Variants in VTI1A observed in about 807,000 individuals in gnomAD.
VTI1A encodes vesicle transport through interaction with t-SNAREs homolog 1A.
In VTI1A, 22 loss-of-function variants were observed where a neutral mutation model predicts 34.9. That is an observed-to-expected ratio of 0.63 (90% confidence interval 0.45 to 0.90). VTI1A has a LOEUF of 0.90. VTI1A is among the 40% of genes least tolerant of loss of function. VTI1A has a pLI of 0.00. For missense variants in VTI1A, 268 were observed against 275.6 expected (o/e 0.97, Z 0.20); for synonymous variants, 87 against 97.3 (o/e 0.89, Z 0.62).
chr10:112,571,154 T>C (rs1852101772), intron 5 of VTI1A, among the ~76,000 whole-genome samples: 1 of 152,220 alleles, frequency 6.6e-6, no homozygotes, highest in Non-Finnish European at 1.5e-5. Context: ...AAATGACTTA[T>C]TCAAAATGCC....
chr10:112,836,227 TG>T, the VTI1A span, among the ~76,000 whole-genome samples: 22 of 152,316 alleles, frequency 1.4e-4, no homozygotes, highest in South Asian at 2.5e-3. Context: ...TGGGAAGTGC[TG>T]GGGGGTGCAA....
chr10:112,833,273 A>T, the VTI1A span, among the ~76,000 whole-genome samples: 1 of 151,876 alleles, frequency 6.6e-6, no homozygotes. Flanking sequence ...CTAGCATCCC[A>T]TGTCCCACAT....
chr10:112,608,039 C>G (rs1161987300), intron 5 of VTI1A, among the ~76,000 whole-genome samples: 1 of 152,182 alleles, frequency 6.6e-6, no homozygotes, highest in African/African-American at 2.4e-5. Context: ...AACCCTGATA[C>G]AACGTGGGAG....
intron 7 of VTI1A, among the ~76,000 whole-genome samples, chr10:112,713,319 G>A (rs573746287): frequency 2.0e-5 from 3 of 152,064 alleles, no homozygotes; most frequent in South Asian, 2.1e-4. Context: ...GAAGGACCTC[G>A]CATATGATTT....
chr10:112,758,294 C>T (rs1309992335), intron 7 of VTI1A, among the ~76,000 whole-genome samples: 3 of 152,124 alleles, frequency 2.0e-5, no homozygotes, highest in South Asian at 2.1e-4. Flanking sequence ...CTCATCATCT[C>T]TAAGGAGTAT....
chr10:112,599,823 C>G (rs552622053), intron 5 of VTI1A, among the ~76,000 whole-genome samples: 21 of 152,306 alleles, frequency 1.4e-4, no homozygotes, highest in African/African-American at 4.8e-4. Flanking sequence ...CAAGGATGAT[C>G]TTGCCTCGGC....
At chr10:112,633,147 TGAGAGGAGAGGTCTGAAG>T (rs994685690) in intron 5 of VTI1A, among the ~76,000 whole-genome samples, 5 of 152,066 alleles carry the variant, frequency 3.3e-5, no homozygotes, top group Non-Finnish European at 7.4e-5. Flanking sequence ...TGGTGAGTCC[TGAGAGGAGAGGTCTGAAG>T]GAGAGGAGAG....
intron 3 of VTI1A, among the ~76,000 whole-genome samples, chr10:112,491,248 T>C (rs927220011): frequency 6.6e-6 from 1 of 152,206 alleles, no homozygotes; most frequent in Non-Finnish European, 1.5e-5. Context: ...GAGGAGATGA[T>C]AGAGCATTTT....
chr10:112,810,854 TG>T (rs771374867), intron 7 of VTI1A, among the ~76,000 whole-genome samples: 1 of 152,158 alleles, frequency 6.6e-6, no homozygotes, highest in Non-Finnish European at 1.5e-5. Flanking sequence ...GAGCATTGGC[TG>T]GAAGAAGCTC....
chr10:112,587,878 T>TA (rs1844220061), intron 5 of VTI1A, among the ~76,000 whole-genome samples: 1 of 152,104 alleles, frequency 6.6e-6, no homozygotes, highest in African/African-American at 2.4e-5. Context: ...GCTGCCTTCT[T>TA]ACATTCTTAA....
the VTI1A span, among the ~76,000 whole-genome samples, chr10:112,834,812 C>G: frequency 6.6e-6 from 1 of 152,178 alleles, no homozygotes; most frequent in African/African-American, 2.4e-5. Flanking sequence ...AAGGGGCCTG[C>G]ATTGTTGGAC....
In VTI1A at chr10:112,760,403, G is replaced by C. The variant is rs137914724; in HGVS notation, c.561-54887G>C. Reference sequence around the variant, plus strand: ...TCTCTCTCTCTCTCAAAATGTCTTAGTATCTTTCAGACCTTGGGTAACTGA... The same window carrying C: ...TCTCTCTCTCTCTCAAAATGTCTTACTATCTTTCAGACCTTGGGTAACTGA... On this transcript the variant is annotated intron_variant, in intron 7 of 7. Transcript: ENST00000393077. Among the ~76,000 whole-genome samples, 1,242 of 152,178 alleles carry C rather than the reference G, an allele frequency of 8.2e-3. 11 individuals carry two copies. Among genetic ancestry groups the C allele is most frequent in the Admixed American group, 0.014 (207 of 15,286 alleles).
intron 5 of VTI1A, among the ~76,000 whole-genome samples, chr10:112,632,583 A>C (rs915605131): frequency 7.9e-5 from 12 of 152,238 alleles, no homozygotes; most frequent in African/African-American, 1.4e-4. Flanking sequence ...CACTGCGGGC[A>C]GGGATAGACG....
At chr10:112,532,936 A>C (rs1850498085) in intron 4 of VTI1A, among the ~76,000 whole-genome samples, 1 of 152,148 alleles carries the variant, frequency 6.6e-6, no homozygotes, top group South Asian at 2.1e-4. Context: ...AATAAGTATT[A>C]TCTCTCCTGG....
At chr10:112,850,896 T>G in the VTI1A span, among the ~76,000 whole-genome samples, 1 of 152,164 alleles carries the variant, frequency 6.6e-6, no homozygotes, top group Non-Finnish European at 1.5e-5. Flanking sequence ...ATCTGCCCCT[T>G]TCCCCAACTT....
intron 5 of VTI1A, among the ~76,000 whole-genome samples, chr10:112,659,782 T>C (rs921924818): frequency 2.6e-5 from 4 of 152,300 alleles, no homozygotes; most frequent in Non-Finnish European, 2.9e-5. Context: ...TTTAAGAATA[T>C]GTTAAGTTTA....
intron 7 of VTI1A, among the ~76,000 whole-genome samples, chr10:112,765,232 G>T (rs572447305): frequency 1.4e-5 from 2 of 142,674 alleles, no homozygotes; most frequent in South Asian, 4.5e-4. Flanking sequence ...TTTTTGAGAC[G>T]GAGTCTCGCT....
At chr10:112,660,439 C>G (rs1466874974) in intron 5 of VTI1A, among the ~76,000 whole-genome samples, 1 of 152,184 alleles carries the variant, frequency 6.6e-6, no homozygotes, top group Non-Finnish European at 1.5e-5. Flanking sequence ...TAAAGATCAT[C>G]TAGTCTAAGA....
Position 112,455,735 on chromosome 10 carries a change from T to G in VTI1A, c.95-4789T>G, listed in dbSNP as rs79627615. Among the ~76,000 whole-genome samples the G allele has an allele frequency of 3.2e-3, 486 of 149,752 alleles. 3 individuals are homozygous for G. The highest frequency in any genetic ancestry group is 0.011 in the African/African-American group (445 of 40,590). ...TCATCACTTTTGAGATTTGCCTTCT[T>G]AAAAACATGAGGAACACTATAAGGA... On this transcript the variant is annotated intron_variant, in intron 1 of 7. Transcript: ENST00000393077.
Sources: gnomAD v4.1 joint callset for allele counts (sites outside exome capture counted in the v4.1 genomes callset) on GRCh38, gnomAD v4.1.1 for gene constraint, MANE v1.5 for transcripts, NCBI Gene and HGNC (gene_info 2026-07-23, HGNC 2026-07-21) for gene names.